Variants in SLC6A2 observed in about 807,000 individuals in gnomAD.
The protein encoded by SLC6A2 is sodium-dependent noradrenaline transporter.
Under a neutral mutation model 71.7 loss-of-function variants are expected in SLC6A2, and 26 were observed. The ratio of observed to expected loss-of-function variants is 0.36; its 90% CI spans 0.27 to 0.50. The LOEUF (loss-of-function observed/expected upper bound fraction) is 0.50. SLC6A2 is among the 20% of genes least tolerant of loss of function. SLC6A2 has a pLI of 0.96. For synonymous variants in SLC6A2, 363 were observed against 337.9 expected (o/e 1.07, Z -0.82); for missense variants, 581 against 803.9 (o/e 0.72, Z 3.35).
intron 3 of SLC6A2, among the ~76,000 whole-genome samples, chr16:55,671,055 G>A (rs1964895097): frequency 6.6e-6 from 1 of 152,228 alleles, no homozygotes; most frequent in Admixed American, 6.5e-5. Flanking sequence ...GACCCAGAAA[G>A]CACACAGGGC....
intron 2 of SLC6A2, among the ~76,000 whole-genome samples, chr16:55,662,805 G>A (rs1282186671): frequency 6.6e-6 from 1 of 152,180 alleles, no homozygotes; most frequent in Non-Finnish European, 1.5e-5. Context: ...GGGAGTGGGT[G>A]TGTTCCCTCA....
intron 6 of SLC6A2, among the ~76,000 whole-genome samples, chr16:55,693,666 G>A (rs1412607556): frequency 1.3e-5 from 2 of 152,226 alleles, no homozygotes; most frequent in Admixed American, 6.5e-5. Flanking sequence ...TCCTAAGATG[G>A]CCATAACCCT....
At chr16:55,684,596 G>A (rs1965387170) in intron 4 of SLC6A2, among the ~76,000 whole-genome samples, 1 of 152,182 alleles carries the variant, frequency 6.6e-6, no homozygotes, top group South Asian at 2.1e-4. Flanking sequence ...TCAGCAATAT[G>A]GACCTTTTGG....
intron 4 of SLC6A2, among the ~76,000 whole-genome samples, chr16:55,674,149 C>T (rs1203578516): frequency 6.6e-6 from 1 of 151,946 alleles, no homozygotes. Flanking sequence ...AGCATAGTAC[C>T]CAATAGGTAC....
At chr16:55,693,216 G>A (rs564505214) in intron 6 of SLC6A2, among the ~76,000 whole-genome samples, 4 of 152,266 alleles carry the variant, frequency 2.6e-5, no homozygotes, top group African/African-American at 7.2e-5. Flanking sequence ...GGGAAACCCC[G>A]TCTCTACTAA....
rs761057170 is a variant in SLC6A2 at position 55,672,157 on chromosome 16, C to T, written c.626C>T (p.Pro209Leu). ...AAGTACTCCAAGTACAAGTTCACGC[C>T]GGCAGCCGAGTTTTATGAGTAAGTC... ...HTKYSKYKFT[P>L]AAEFYERGVL... The change falls in exon 4 of 15, where the codon CCG becomes CTG. Residue 209 changes from proline (P) to leucine (L), a missense_variant. Transcript: ENST00000568943. 1.2e-6 allele frequency: 2 copies of T among 1,614,134 alleles called. No homozygotes were observed. The highest frequency in any genetic ancestry group is 1.7e-6 in the Non-Finnish European group (2 of 1,180,020).
intron 11 of SLC6A2, among the ~76,000 whole-genome samples, chr16:55,699,162 G>A (rs1393929197): frequency 6.6e-6 from 1 of 152,200 alleles, no homozygotes; most frequent in Non-Finnish European, 1.5e-5. Flanking sequence ...CAATGGAAGA[G>A]TCTGGGCTCT....
At position 55,699,542 on chromosome 16, in the gene SLC6A2, G is replaced by C; in HGVS notation, c.1490-12G>C. 6.2e-7 allele frequency: 1 copy of C among 1,609,860 alleles called. No homozygotes were observed. The highest frequency in any genetic ancestry group is 1.1e-5 in the South Asian group (1 of 90,998). On this transcript the variant is annotated splice_polypyrimidine_tract_variant and intron_variant, in intron 11 of 14. Transcript: ENST00000568943. The stretch of plus-strand genomic sequence containing the variant: ...GGGGCCATGGTAACAGGCCTGCCCT[G>C]TGTGTGCACAGGAGTGGACAGGTTC...
intron 2 of SLC6A2, among the ~76,000 whole-genome samples, chr16:55,661,303 C>A (rs1239467569): frequency 1.3e-5 from 2 of 152,188 alleles, no homozygotes; most frequent in African/African-American, 2.4e-5. Context: ...GAAATATAGT[C>A]TTTAGGTTCA....
intron 10 of SLC6A2, 77 bp from the exon 11 acceptor site, chr16:55,698,392 A>T: frequency 9.8e-7 from 1 of 1,020,564 alleles, no homozygotes; most frequent in Non-Finnish European, 1.6e-6. Flanking sequence ...GGGGGCAGGT[A>T]AGAGTTGACA....
chr16:55,656,553 C>T lies in SLC6A2; in HGVS notation c.-51-91C>T, dbSNP rs112487960. 76 of 1,037,226 alleles carry T rather than the reference C, an allele frequency of 7.3e-5. No homozygotes were observed. In the African/African-American group the frequency reaches 1.1e-3, roughly 14 times the overall value. The allele number at this position is 1,037,226 out of a possible 1,614,324, so 64.3% of individuals were successfully genotyped here. The stretch of plus-strand genomic sequence containing the variant: ...CTGCGTCCGCTCAGCGCGCGCTCAT[C>T]CCAGTGTCTAAGGCGCTCCCGGGTG... On this transcript the variant is annotated intron_variant, in intron 1 of 14. Coordinates refer to ENST00000568943, the MANE Select transcript of SLC6A2 (RefSeq NM_001172501.3). The surrounding 1 kb of genome is among the most constrained non-coding windows in gnomAD (Gnocchi z 4.5).
intron 7 of SLC6A2, 108 bp downstream of exon 7, chr16:55,694,221 A>G: frequency 2.4e-6 from 2 of 821,374 alleles, no homozygotes. Flanking sequence ...GGGCAAGCCA[A>G]ATTTTCTTCT....
chr16:55,670,999 A>G (rs1440226870), intron 3 of SLC6A2, among the ~76,000 whole-genome samples: 2 of 152,238 alleles, frequency 1.3e-5, no homozygotes, highest in Non-Finnish European at 2.9e-5. Context: ...CTTGTGATAC[A>G]TTGAGGAACA....
chr16:55,658,405 C>T (rs1964518143), intron 2 of SLC6A2, among the ~76,000 whole-genome samples: 1 of 152,092 alleles, frequency 6.6e-6, no homozygotes, highest in Non-Finnish European at 1.5e-5. Flanking sequence ...CCCAGCTACG[C>T]AGGAGGCTGA....
chr16:55,697,890 C>T lies in SLC6A2; in HGVS notation c.1261-7C>T. 1 of 1,614,004 alleles carries T rather than the reference C, an allele frequency of 6.2e-7. No homozygotes were observed. ...TCCTGCACCCCACCCCTCCTGGTTC[C>T]CTCCAGATGGGAGGCATGGAGGCTG... On this transcript the variant is annotated splice_region_variant and splice_polypyrimidine_tract_variant and intron_variant, in intron 9 of 14. Coordinates refer to ENST00000568943, the MANE Select transcript of SLC6A2 (RefSeq NM_001172501.3).
intron 2 of SLC6A2, among the ~76,000 whole-genome samples, chr16:55,665,624 C>T (rs78843397): frequency 0.049 from 7,475 of 152,122 alleles, 421 homozygotes; most frequent in African/African-American, 0.14. Context: ...CTACCTCCAC[C>T]TCCCCCGAGA....
intron 2 of SLC6A2, among the ~76,000 whole-genome samples, chr16:55,667,220 A>G (rs1481308765): frequency 1.2e-4 from 18 of 152,274 alleles, no homozygotes; most frequent in African/African-American, 4.1e-4. Flanking sequence ...TAATACAGCT[A>G]TCTAACTGCC....
intron 2 of SLC6A2, among the ~76,000 whole-genome samples, chr16:55,664,729 A>G (rs1219120601): frequency 6.6e-6 from 1 of 152,228 alleles, no homozygotes; most frequent in Non-Finnish European, 1.5e-5. Context: ...GAGAAGGCAC[A>G]TTTAGACAAG....
intron 6 of SLC6A2, among the ~76,000 whole-genome samples, chr16:55,692,919 A>T (rs763898354): frequency 6.6e-6 from 1 of 152,224 alleles, no homozygotes; most frequent in Non-Finnish European, 1.5e-5. Context: ...AGAGCATAAG[A>T]CATGAATCAG....
Sources: gnomAD v4.1 joint callset for allele counts (sites outside exome capture counted in the v4.1 genomes callset) on GRCh38, gnomAD v4.1.1 for gene constraint, Gnocchi (gnomAD v3.1) non-coding constraint, MANE v1.5 for transcripts, NCBI Gene and HGNC (gene_info 2026-07-23, HGNC 2026-07-21) for gene names.